BIN3: variants seen among roughly 807,000 people sequenced by gnomAD.
BIN3 encodes bridging integrator 3.
A neutral mutation model predicts 38.2 loss-of-function variants in BIN3; 41 were observed. That is an observed-to-expected ratio of 1.07 (90% CI 0.84 to 1.39). The LOEUF (loss-of-function observed/expected upper bound fraction) is 1.39, where lower values mean the gene tolerates loss of function less well. BIN3 is among the 40% of genes most tolerant of loss of function. The pLI is 0.00. For synonymous variants in BIN3, 145 were observed against 122.6 expected, an observed-to-expected ratio of 1.18 and a Z score of -1.21; for missense variants, 361 against 324.3, an observed-to-expected ratio of 1.11 and a Z score of -0.87.
chr8:22,656,222 G>GTT (rs1803052256), intron 1 of BIN3, among the ~76,000 whole-genome samples: 1 of 90,522 alleles, frequency 1.1e-5, no homozygotes. Context: ...TGGTCTTAAG[G>GTT]GTTTTTTTTT....
At chr8:22,645,119 T>G (rs2117559182) in intron 1 of BIN3, among the ~76,000 whole-genome samples, 1 of 150,398 alleles carries the variant, frequency 6.6e-6, no homozygotes, top group Non-Finnish European at 1.5e-5. Flanking sequence ...GACCTATAAT[T>G]GCACCACTGT....
chr8:22,627,054 C>T lies in BIN3; in HGVS notation c.339-2691G>A, dbSNP rs546416374. 6.4e-4 allele frequency among the ~76,000 whole-genome samples: 97 copies of T among 152,294 alleles called. 1 individual carries two copies. Among genetic ancestry groups the T allele is most frequent in the Admixed American group, 1.0e-3 (16 of 15,304 alleles). ...ACCAAGACCACCTGCCTCTGCAGGC[C>T]GCCTGCCCCAGTGGGAAGAGCATGT... On this transcript the variant is annotated intron_variant, in intron 6 of 8. Coordinates refer to ENST00000276416, the MANE Select transcript of BIN3 (RefSeq NM_018688.6).
rs145915616 is a variant in BIN3, at chr8:22,658,585, T to C, written c.8+10459A>G. Among the ~76,000 whole-genome samples the C allele has an allele frequency of 8.3e-3, 1,262 of 152,324 alleles. 16 individuals are homozygous for C. The highest frequency in any genetic ancestry group is 0.048 in the South Asian group (234 of 4,826). On this transcript the variant is annotated intron_variant, in intron 1 of 8. Transcript: ENST00000276416. ...GGCAGAGATAAAAGGCAGGCCCAGA[T>C]GGCAGTTGGGGAGGGATCCCCTGGT...
intron 1 of BIN3, among the ~76,000 whole-genome samples, chr8:22,654,555 T>C (rs7826059): frequency 0.59 from 90,213 of 152,098 alleles, 27,592 homozygotes; most frequent in East Asian, 0.74. Context: ...TTTCTGGACA[T>C]TGCACAGAAG....
chr8:22,639,059 G>A (rs2117542534), intron 2 of BIN3, among the ~76,000 whole-genome samples: 1 of 152,356 alleles, frequency 6.6e-6, no homozygotes, highest in South Asian at 2.1e-4. Flanking sequence ...TGTAACTGCA[G>A]GTGGGAAATT....
chr8:22,637,551 G>C (rs1336764567), intron 2 of BIN3, among the ~76,000 whole-genome samples: 3 of 152,174 alleles, frequency 2.0e-5, no homozygotes, highest in Non-Finnish European at 2.9e-5. Context: ...CTCCATTCCC[G>C]ACCGGGTATC....
chr8:22,634,421 G>A, intron 4 of BIN3: 1 of 453,420 alleles, frequency 2.2e-6, no homozygotes, highest in Non-Finnish European at 4.4e-6. Context: ...ACCCGGGCAT[G>A]GTGGTGGTGA....
chr8:22,641,574 C>G (rs1802562337), intron 2 of BIN3, among the ~76,000 whole-genome samples: 1 of 152,178 alleles, frequency 6.6e-6, no homozygotes, highest in Non-Finnish European at 1.5e-5. Context: ...GCCCCTCCTT[C>G]AAGGGATGCT....
At chr8:22,655,779 T>A (rs1011096211) in intron 1 of BIN3, among the ~76,000 whole-genome samples, 1 of 152,208 alleles carries the variant, frequency 6.6e-6, no homozygotes, top group Non-Finnish European at 1.5e-5. Flanking sequence ...AGTGGTTTAT[T>A]TTTTATATTT....
chr8:22,660,115 T>C (rs991912906), intron 1 of BIN3, among the ~76,000 whole-genome samples: 2 of 152,088 alleles, frequency 1.3e-5, no homozygotes, highest in Non-Finnish European at 2.9e-5. Context: ...CCCCAAATAG[T>C]GAAAGGATTT....
chr8:22,646,472 G>A (rs1802717866), intron 1 of BIN3, among the ~76,000 whole-genome samples: 2 of 152,062 alleles, frequency 1.3e-5, no homozygotes, highest in South Asian at 2.1e-4. Context: ...TAAACCCAAG[G>A]GTGTAATTAA....
At chr8:22,663,935 C>G (rs1803326796) in intron 1 of BIN3, among the ~76,000 whole-genome samples, 1 of 152,198 alleles carries the variant, frequency 6.6e-6, no homozygotes, top group Admixed American at 6.5e-5. Context: ...TTTTGAATCC[C>G]TAGCACTTTC....
At chr8:22,623,035 G>A (rs1053624275) in intron 8 of BIN3, among the ~76,000 whole-genome samples, 3 of 152,210 alleles carry the variant, frequency 2.0e-5, no homozygotes, top group Non-Finnish European at 4.4e-5. Context: ...GGGCCTGCAG[G>A]AAATGGCCAC....
intron 8 of BIN3, among the ~76,000 whole-genome samples, chr8:22,623,154 G>A (rs1430512653): frequency 6.6e-6 from 1 of 152,256 alleles, no homozygotes; most frequent in Non-Finnish European, 1.5e-5. Context: ...GGCTGTTGCT[G>A]AGCGCAAGCC....
intron 6 of BIN3, 118 bp from the exon 7 acceptor site, chr8:22,624,481 C>T: frequency 7.4e-7 from 1 of 1,352,750 alleles, no homozygotes; most frequent in Non-Finnish European, 1.0e-6. Flanking sequence ...GAGGGGCGTC[C>T]TGGCCAGCAC....
At chr8:22,655,227 CTGGGTTTCCACTTTCTTAA>C (rs1803017839) in intron 1 of BIN3, among the ~76,000 whole-genome samples, 1 of 152,144 alleles carries the variant, frequency 6.6e-6, no homozygotes. Context: ...CATCCATGGG[CTGGGTTTCCACTTTCTTAA>C]TGGTGTCCTT....
At chr8:22,666,317 G>A (rs1418453524) in intron 1 of BIN3, among the ~76,000 whole-genome samples, 4 of 140,412 alleles carry the variant, frequency 2.8e-5, no homozygotes, top group East Asian at 2.3e-4. Context: ...GGAAAAGGGA[G>A]ACAAGAGGGA....
At chr8:22,633,052 A>G (rs1802257235) in intron 4 of BIN3, among the ~76,000 whole-genome samples, 1 of 152,146 alleles carries the variant, frequency 6.6e-6, no homozygotes. Flanking sequence ...TTGCATTGTC[A>G]GGAAGTCAAG....
In BIN3 at chr8:22,636,911, T is replaced by C; in HGVS notation, c.98+11A>G. 6.2e-7 allele frequency: 1 copy of C among 1,611,418 alleles called. No homozygotes were observed. ...TGCCTCCCACCTCATCTTTCTGGGGTTGACACTCACTGCTGAAGTTTTCCA... is the reference window on the plus strand; with the variant it reads ...TGCCTCCCACCTCATCTTTCTGGGGCTGACACTCACTGCTGAAGTTTTCCA... On this transcript the variant is annotated intron_variant, in intron 3 of 8. Transcript: ENST00000276416.
Sources: allele counts gnomAD v4.1 joint callset (sites outside exome capture counted in the v4.1 genomes callset), GRCh38; gene constraint gnomAD v4.1.1; transcripts MANE v1.5; gene names NCBI Gene and HGNC (gene_info 2026-07-23, HGNC 2026-07-21).